RGS6: variants seen among roughly 807,000 people sequenced by gnomAD.
The protein encoded by RGS6 is regulator of G protein signaling 6.
A neutral mutation model predicts 78.5 loss-of-function variants in RGS6; 30 were observed. That is an observed-to-expected ratio of 0.38 (90% CI 0.29 to 0.52). RGS6 has a LOEUF of 0.52. Among genes scored for constraint, RGS6 ranks in the 20% least tolerant of loss-of-function variants. The pLI, the probability that RGS6 is intolerant of heterozygous loss-of-function variation, is 0.85. For missense variants in RGS6, 495 were observed against 609.7 expected, an observed-to-expected ratio of 0.81 and a Z score of 1.98; for synonymous variants, 206 against 206.0, an observed-to-expected ratio of 1.00 and a Z score of 0.00.
intron 15 of RGS6, among the ~76,000 whole-genome samples, chr14:72,527,721 G>A (rs1165734034): frequency 2.0e-5 from 3 of 152,114 alleles, no homozygotes; most frequent in Non-Finnish European, 4.4e-5. Context: ...TGATTGACAG[G>A]ACTAGAAAGG....
upstream of RGS6, among the ~76,000 whole-genome samples, chr14:71,932,230 A>T (rs1367421443): frequency 1.3e-5 from 2 of 152,004 alleles, no homozygotes; most frequent in Admixed American, 6.5e-5. Flanking sequence ...GGCTCTGGGA[A>T]CAGGTGAGCC....
intron 2 of RGS6, among the ~76,000 whole-genome samples, chr14:72,175,328 T>G (rs1191298956): frequency 6.6e-6 from 1 of 152,216 alleles, no homozygotes; most frequent in East Asian, 1.9e-4. Flanking sequence ...TTCAGCATAC[T>G]GTGACTTTTA....
chr14:72,156,761 G>C (rs955020894), intron 2 of RGS6, among the ~76,000 whole-genome samples: 4 of 152,226 alleles, frequency 2.6e-5, no homozygotes, highest in Non-Finnish European at 4.4e-5. Flanking sequence ...ATGTCCACAA[G>C]CTGTGGTTAA....
chr14:72,613,431 C>G, the RGS6 span, among the ~76,000 whole-genome samples: 1 of 152,206 alleles, frequency 6.6e-6, no homozygotes, highest in Non-Finnish European at 1.5e-5. Flanking sequence ...CTGGCCTGCC[C>G]TGGGAAATGT....
At chr14:72,068,407 T>A (rs2094259122) in intron 2 of RGS6, among the ~76,000 whole-genome samples, 1 of 152,068 alleles carries the variant, frequency 6.6e-6, no homozygotes, top group African/African-American at 2.4e-5. Flanking sequence ...AGTGCTGAGA[T>A]TACAGGCGTG....
At chr14:72,578,151 C>T in the RGS6 span, among the ~76,000 whole-genome samples, 1 of 152,228 alleles carries the variant, frequency 6.6e-6, no homozygotes, top group African/African-American at 2.4e-5. Context: ...CTTAGATTTC[C>T]TCATTTGAAA....
intron 2 of RGS6, among the ~76,000 whole-genome samples, chr14:72,300,970 T>C (rs1233116355): frequency 2.6e-5 from 4 of 152,096 alleles, no homozygotes; most frequent in Non-Finnish European, 5.9e-5. Flanking sequence ...ATAAAAGAAG[T>C]GTTGTAGTTC....
At chr14:72,469,477 G>A (rs2096016565) in intron 7 of RGS6, 2 of 152,522 alleles carry the variant, frequency 1.3e-5, no homozygotes, top group African/African-American at 4.8e-5. Context: ...AAAATGCTGC[G>A]ATTACAGGTG....
intron 2 of RGS6, among the ~76,000 whole-genome samples, chr14:72,183,592 T>C (rs888183771): frequency 1.3e-5 from 2 of 152,076 alleles, no homozygotes; most frequent in Non-Finnish European, 2.9e-5. Flanking sequence ...AGTACATACA[T>C]TTACATTACA....
At chr14:72,285,560 G>A (rs1268027453) in intron 2 of RGS6, among the ~76,000 whole-genome samples, 1 of 152,044 alleles carries the variant, frequency 6.6e-6, no homozygotes, top group Non-Finnish European at 1.5e-5. Context: ...GTCTTTATCA[G>A]CAGCATGAAA....
intron 2 of RGS6, among the ~76,000 whole-genome samples, chr14:72,345,056 G>A: frequency 6.6e-6 from 1 of 152,196 alleles, no homozygotes; most frequent in East Asian, 1.9e-4. Flanking sequence ...GTGTAGTCAT[G>A]TGACCCTGCT....
intron 2 of RGS6, among the ~76,000 whole-genome samples, chr14:72,250,491 A>G (rs2055467391): frequency 6.6e-6 from 1 of 152,084 alleles, no homozygotes; most frequent in Admixed American, 6.5e-5. Context: ...ATAACTATGA[A>G]GTAAAATAAA....
At chr14:72,557,631 G>T (rs1484597597) in intron 17 of RGS6, among the ~76,000 whole-genome samples, 2 of 152,134 alleles carry the variant, frequency 1.3e-5, no homozygotes, top group Non-Finnish European at 1.5e-5. Context: ...CTATTCAAAG[G>T]TGACCTTCAG....
chr14:72,194,232 C>A (rs2039455769), intron 2 of RGS6, among the ~76,000 whole-genome samples: 1 of 152,140 alleles, frequency 6.6e-6, no homozygotes, highest in Non-Finnish European at 1.5e-5. Context: ...CAGTGTGGGT[C>A]AAGCATCACT....
At chr14:72,607,100 GTCAGT>G in the RGS6 span, among the ~76,000 whole-genome samples, 1 of 152,152 alleles carries the variant, frequency 6.6e-6, no homozygotes, top group East Asian at 1.9e-4. Flanking sequence ...TCAGGGCAAT[GTCAGT>G]TTCTGGGCTG....
intron 7 of RGS6, among the ~76,000 whole-genome samples, chr14:72,469,207 C>CTTT (rs11300461): frequency 2.2e-4 from 31 of 139,462 alleles, no homozygotes; most frequent in South Asian, 1.4e-3. Context: ...GTTTGGGGCA[C>CTTT]TTTTTTTTTT....
At chr14:71,904,697 T>A in the RGS6 span, among the ~76,000 whole-genome samples, 1 of 152,212 alleles carries the variant, frequency 6.6e-6, no homozygotes, top group Non-Finnish European at 1.5e-5. Context: ...CAAAATTTGG[T>A]GCCTCATTTA....
intron 2 of RGS6, among the ~76,000 whole-genome samples, chr14:72,000,967 C>T (rs1460110373): frequency 6.6e-6 from 1 of 152,138 alleles, no homozygotes; most frequent in African/African-American, 2.4e-5. Flanking sequence ...GAGAATATAT[C>T]CTGATTTCTC....
intron 3 of RGS6, among the ~76,000 whole-genome samples, chr14:72,353,374 C>T (rs1288149501): frequency 6.6e-6 from 1 of 152,196 alleles, no homozygotes; most frequent in Non-Finnish European, 1.5e-5. Flanking sequence ...TGTAGTCTCT[C>T]CACAATCAGC....
Sources: allele counts gnomAD v4.1 joint callset (sites outside exome capture counted in the v4.1 genomes callset), GRCh38; gene constraint gnomAD v4.1.1; transcripts MANE v1.5; gene names NCBI Gene and HGNC (gene_info 2026-07-23, HGNC 2026-07-21).